Variants in SLAIN1 observed in about 807,000 individuals in gnomAD.
SLAIN1 encodes SLAIN motif-containing protein 1.
SLAIN1 carries 17 observed loss-of-function variants against 55.4 expected under a neutral mutation model. The ratio of observed to expected loss-of-function variants is 0.31; its 90% CI spans 0.21 to 0.46. The LOEUF is 0.46. Among genes scored for constraint, SLAIN1 ranks in the 20% least tolerant of loss-of-function variants. The probability of loss-of-function intolerance (pLI) is 1.00; values close to 1 mark genes in which losing one functional copy is unlikely to be tolerated. For synonymous variants in SLAIN1, 348 were observed against 337.4 expected (o/e 1.03, Z -0.35); for missense variants, 682 against 785.1 (o/e 0.87, Z 1.57).
intron 3 of SLAIN1, among the ~76,000 whole-genome samples, 177 bp from the exon 4 acceptor site, chr13:77,746,337 T>C (rs1873809285): frequency 6.6e-6 from 1 of 152,172 alleles, no homozygotes; most frequent in African/African-American, 2.4e-5. Flanking sequence ...GATATCTGTT[T>C]CATAGGTAAA....
At chr13:77,702,717 T>C (rs1285590336) in intron 1 of SLAIN1, among the ~76,000 whole-genome samples, 1 of 77,558 alleles carries the variant, frequency 1.3e-5, no homozygotes, top group Admixed American at 1.3e-4. Flanking sequence ...ATCACTGATA[T>C]TTTTTTTTCC....
At chr13:77,751,650 C>T (rs1032849720) in intron 4 of SLAIN1, among the ~76,000 whole-genome samples, 2 of 152,178 alleles carry the variant, frequency 1.3e-5, no homozygotes, top group Non-Finnish European at 2.9e-5. Context: ...GGTCGGGGAG[C>T]AGGCTGAGAG....
At chr13:77,711,946 C>T (rs1034735674) in intron 1 of SLAIN1, among the ~76,000 whole-genome samples, 4 of 152,158 alleles carry the variant, frequency 2.6e-5, no homozygotes, top group Non-Finnish European at 5.9e-5. Context: ...ACATAATCAT[C>T]ACATAAACAG....
In SLAIN1 at chr13:77,763,971, A is replaced by C. The variant is rs576738120; in HGVS notation, c.*751A>C. The C allele has an allele frequency of 1.6e-4, 25 of 152,762 alleles. No individual in the cohort carries two copies. Among genetic ancestry groups the C allele is most frequent in the African/African-American group, 5.5e-4 (23 of 41,592 alleles). 9.5% of individuals were successfully genotyped at this position (152,762 alleles called of 1,614,324 possible). On this transcript the variant is annotated 3_prime_UTR_variant, in exon 7 of 7. Coordinates refer to ENST00000418532, the MANE Select transcript of SLAIN1 (RefSeq NM_001242868.2). ...ATATTTATAACGGCATCATGAGCTC[A>C]TTGCACTTAATACCTGCAATGTTTG...
intron 1 of SLAIN1, among the ~76,000 whole-genome samples, chr13:77,712,189 A>G (rs1457540803): frequency 6.6e-6 from 1 of 152,190 alleles, no homozygotes; most frequent in Non-Finnish European, 1.5e-5. Context: ...CACCACTCCT[A>G]TTCAACATAG....
At chr13:77,748,321 A>T (rs960695549) in intron 4 of SLAIN1, among the ~76,000 whole-genome samples, 1 of 151,662 alleles carries the variant, frequency 6.6e-6, no homozygotes, top group African/African-American at 2.4e-5. Flanking sequence ...TCAGAAAGAC[A>T]ATGTATTCCA....
intron 1 of SLAIN1, among the ~76,000 whole-genome samples, chr13:77,710,578 C>T (rs1566221437): frequency 6.6e-6 from 1 of 152,062 alleles, no homozygotes; most frequent in Non-Finnish European, 1.5e-5. Context: ...ACAGGAGGAC[C>T]CAGATTCATA....
Position 77,698,847 on chromosome 13 carries a change from A to G in SLAIN1, c.626+308A>G. 6.7e-7 allele frequency: 1 copy of G among 1,493,462 alleles called. No individual in the cohort carries two copies. Among genetic ancestry groups the G allele is most frequent in the Non-Finnish European group, 8.9e-7 (1 of 1,120,272 alleles). The allele number at this position is 1,493,462 out of a possible 1,614,324, so 92.5% of individuals were successfully genotyped here. ...GGTCCCAAGCTCCTCGTTAGCATTA[A>G]GTGCAAAATCCATGTCATCTTGTCT... On this transcript the variant is annotated intron_variant, in intron 1 of 6. Transcript: ENST00000418532. The surrounding 1 kb of genome is among the most constrained non-coding windows in gnomAD (Gnocchi z 4.1).
At chr13:77,738,881 T>C (rs1310811383) in intron 2 of SLAIN1, among the ~76,000 whole-genome samples, 1 of 152,108 alleles carries the variant, frequency 6.6e-6, no homozygotes, top group Non-Finnish European at 1.5e-5. Flanking sequence ...TGTAACTCTT[T>C]CTTGGATTGC....
At chr13:77,753,127 T>C in intron 4 of SLAIN1, 76 bp from the exon 5 acceptor site, 2 of 1,318,988 alleles carry the variant, frequency 1.5e-6, no homozygotes, top group South Asian at 1.6e-5. Context: ...ATATGACTTT[T>C]GTTATTTGCT....
intron 5 of SLAIN1, among the ~76,000 whole-genome samples, chr13:77,753,979 T>C (rs1351871571): frequency 6.6e-6 from 1 of 152,232 alleles, no homozygotes; most frequent in Non-Finnish European, 1.5e-5. Flanking sequence ...GGCCTAGTGC[T>C]GTGTATCTTC....
intron 1 of SLAIN1, among the ~76,000 whole-genome samples, chr13:77,718,700 G>A (rs868009371): frequency 2.6e-5 from 4 of 152,190 alleles, no homozygotes; most frequent in South Asian, 2.1e-4. Context: ...AAGGTGTCAC[G>A]TATTAGAGCC....
intron 2 of SLAIN1, among the ~76,000 whole-genome samples, chr13:77,734,329 A>G (rs572832747): frequency 6.6e-6 from 1 of 152,264 alleles, no homozygotes; most frequent in South Asian, 2.1e-4. Context: ...TGGTATTTAT[A>G]AAGGACTAGA....
chr13:77,713,839 C>A (rs1018196382), intron 1 of SLAIN1, among the ~76,000 whole-genome samples: 2 of 151,976 alleles, frequency 1.3e-5, no homozygotes, highest in East Asian at 3.9e-4. Context: ...TACTGTTCAG[C>A]CATAAAAAAA....
chr13:77,757,129 A>C (rs1344488850), intron 5 of SLAIN1, among the ~76,000 whole-genome samples: 1 of 152,188 alleles, frequency 6.6e-6, no homozygotes, highest in East Asian at 1.9e-4. Flanking sequence ...AACAGGAAGT[A>C]CAAAGAATTC....
At chr13:77,744,105 T>G in intron 2 of SLAIN1, 178 bp from the exon 3 acceptor site, 1 of 612,634 alleles carries the variant, frequency 1.6e-6, no homozygotes, top group South Asian at 1.9e-5. Flanking sequence ...ACAAGTGGTT[T>G]TGTATATATG....
chr13:77,758,192 C>T (rs753348814), intron 5 of SLAIN1, among the ~76,000 whole-genome samples: 1 of 152,174 alleles, frequency 6.6e-6, no homozygotes, highest in East Asian at 1.9e-4. Flanking sequence ...TGATGTTGAA[C>T]ATTTTTTCAT....
intron 1 of SLAIN1, among the ~76,000 whole-genome samples, chr13:77,715,537 A>G (rs1019165752): frequency 6.8e-6 from 1 of 146,856 alleles, no homozygotes; most frequent in Non-Finnish European, 1.5e-5. Flanking sequence ...TGGTTTCACC[A>G]TTTTTCATTT....
chr13:77,698,787 C>T lies in SLAIN1; in HGVS notation c.626+248C>T. On this transcript the variant is annotated intron_variant, in intron 1 of 6. Coordinates refer to ENST00000418532, the MANE Select transcript of SLAIN1 (RefSeq NM_001242868.2). The surrounding 1 kb of genome is among the most constrained non-coding windows in gnomAD (Gnocchi z 4.1). Reference sequence around the variant, plus strand: ...GGATGAACCGGCCCCCCCTTCCCCCCATCTGCCATGGGTTCTGCTATTTGC... The same window carrying T: ...GGATGAACCGGCCCCCCCTTCCCCCTATCTGCCATGGGTTCTGCTATTTGC... 4 of 1,270,042 alleles carry T rather than the reference C, an allele frequency of 3.1e-6. No individual in the cohort carries two copies. Among genetic ancestry groups the T allele is most frequent in the Non-Finnish European group, 4.2e-6 (4 of 955,586 alleles). The allele number at this position is 1,270,042 out of a possible 1,614,324, so 78.7% of individuals were successfully genotyped here. A position where few individuals can be genotyped will look rare whatever the true frequency, so the allele number is the denominator to read the frequency against.
Sources: gnomAD v4.1 joint callset for allele counts (sites outside exome capture counted in the v4.1 genomes callset) on GRCh38, gnomAD v4.1.1 for gene constraint, Gnocchi (gnomAD v3.1) non-coding constraint, MANE v1.5 for transcripts, NCBI Gene and HGNC (gene_info 2026-07-23, HGNC 2026-07-21) for gene names.